POLR1D: variants seen among roughly 807,000 people sequenced by gnomAD.
POLR1D encodes RNA polymerase I and III subunit D, also known as DNA-directed RNA polymerases I and III subunit RPAC2.
Under a neutral mutation model 10.8 loss-of-function variants are expected in POLR1D, and 8 were observed. That is an observed-to-expected ratio of 0.74 (90% CI 0.43 to 1.33). POLR1D has a LOEUF of 1.33. POLR1D is among the 40% of genes most tolerant of loss of function. The pLI, the probability that POLR1D is intolerant of heterozygous loss-of-function variation, is 0.01. For missense variants in POLR1D, 152 were observed against 161.7 expected, an observed-to-expected ratio of 0.94 and a Z score of 0.32; for synonymous variants, 54 against 57.2, an observed-to-expected ratio of 0.94 and a Z score of 0.25.
downstream of POLR1D, among the ~76,000 whole-genome samples, chr13:27,624,618 T>C (rs1385003902): frequency 1.3e-5 from 2 of 151,976 alleles, no homozygotes; most frequent in East Asian, 3.9e-4. Context: ...AAAAAAATTG[T>C]GAGGCTCGGC....
At chr13:27,630,164 G>A (rs908124343) in intron 1 of POLR1D, among the ~76,000 whole-genome samples, 8 of 152,012 alleles carry the variant, frequency 5.3e-5, no homozygotes, top group African/African-American at 1.9e-4. Flanking sequence ...GCCCGCCTCC[G>A]GCTCCCAAAG....
At chr13:27,628,587 GA>G (rs1956040885) in intron 1 of POLR1D, among the ~76,000 whole-genome samples, 1 of 152,158 alleles carries the variant, frequency 6.6e-6, no homozygotes, top group Non-Finnish European at 1.5e-5. Context: ...AGCAATGAAA[GA>G]AAAATTATGA....
chr13:27,657,482 C>T (rs972909750), intron 2 of POLR1D, among the ~76,000 whole-genome samples: 8 of 152,022 alleles, frequency 5.3e-5, no homozygotes, highest in African/African-American at 1.7e-4. Context: ...GCCAAGATTG[C>T]GCCACTGCAC....
intron 1 of POLR1D, among the ~76,000 whole-genome samples, chr13:27,632,981 C>G (rs190710383): frequency 5.5e-4 from 83 of 152,236 alleles, no homozygotes; most frequent in Non-Finnish European, 7.2e-4. Flanking sequence ...ATTCTATAAG[C>G]TTCGAATTGA....
Position 27,623,218 on chromosome 13 carries a change from C to A in POLR1D, c.370C>A (p.Gln124Lys). The change falls in exon 2 of 2, where the codon CAA becomes AAA. Residue 124 changes from glutamine to lysine, a missense_variant. Physicochemically the swap from Gln to Lys is moderately conservative, Grantham distance 53. Transcript: ENST00000302979. ...FEASIKDYKDQKASRNESTF is the reference protein window; with the variant it reads ...FEASIKDYKDKKASRNESTF ...GGCCAGCATAAAGGACTATAAGGAT[C>A]AAAAAGCAAGCAGAAATGAATCCAC... 1.2e-6 allele frequency: 2 copies of A among 1,613,964 alleles called. No individual in the cohort carries two copies. The highest frequency in any genetic ancestry group is 1.7e-4 in the Middle Eastern group (1 of 6,060).
At chr13:27,648,517 TG>T (rs1956240010) in intron 2 of POLR1D, 2 of 1,015,712 alleles carry the variant, frequency 2.0e-6, no homozygotes, top group African/African-American at 3.2e-5. Context: ...GATATAAATA[TG>T]TAAATCTTTA....
intron 2 of POLR1D, chr13:27,650,981 T>C (rs1956264258): frequency 6.6e-6 from 1 of 152,204 alleles, no homozygotes; most frequent in African/African-American, 2.4e-5. Context: ...AAGAAAACTT[T>C]ACAGAAGAAT....
chr13:27,622,741 T>G, intron 1 of POLR1D, 134 bp from the exon 2 acceptor site: 2 of 643,634 alleles, frequency 3.1e-6, no homozygotes, highest in African/African-American at 1.8e-5. Context: ...GGCAGGAAAA[T>G]GAGAGGCGAA....
intron 2 of POLR1D, among the ~76,000 whole-genome samples, chr13:27,652,866 CA>C (rs34688215): frequency 0.57 from 66,721 of 116,918 alleles, 18,334 homozygotes; most frequent in Admixed American, 0.66. Context: ...GACTCCATCT[CA>C]AAAAAAAAAA....
chr13:27,624,442 C>T (rs187802755), downstream of POLR1D, among the ~76,000 whole-genome samples: 232 of 152,248 alleles, frequency 1.5e-3, 4 homozygotes, highest in Non-Finnish European at 4.3e-4. Flanking sequence ...CTTACACTAG[C>T]GTGCCATAGA....
intron 1 of POLR1D, among the ~76,000 whole-genome samples, chr13:27,639,822 A>C (rs1956158734): frequency 6.6e-6 from 1 of 152,212 alleles, no homozygotes. Flanking sequence ...TGTCTTTGCC[A>C]GAGCAGTTCT....
chr13:27,642,301 C>T (rs959121132), intron 1 of POLR1D, among the ~76,000 whole-genome samples: 7 of 152,178 alleles, frequency 4.6e-5, no homozygotes, highest in Admixed American at 2.6e-4. Context: ...CTGCCTCATT[C>T]TGTGTCCTTG....
chr13:27,636,286 A>G (rs1413591787), intron 1 of POLR1D, among the ~76,000 whole-genome samples: 1 of 152,216 alleles, frequency 6.6e-6, no homozygotes, highest in Non-Finnish European at 1.5e-5. Context: ...ATTTTCAAAA[A>G]CCAGATATTA....
exon 3 of POLR1D, chr13:27,665,787 G>A (rs1429630116): frequency 5.0e-6 from 8 of 1,613,962 alleles, no homozygotes; most frequent in Non-Finnish European, 6.8e-6. Flanking sequence ...CAAAAAGAGG[G>A]CGATAAGGAA....
chr13:27,637,801 A>ATT (rs549218744), intron 1 of POLR1D, among the ~76,000 whole-genome samples: 5 of 147,250 alleles, frequency 3.4e-5, no homozygotes, highest in African/African-American at 1.2e-4. Context: ...ATTAAAAAAA[A>ATT]TTTTTTTTTT....
At chr13:27,653,196 G>C (rs370984422) in intron 2 of POLR1D, among the ~76,000 whole-genome samples, 2 of 151,928 alleles carry the variant, frequency 1.3e-5, no homozygotes, top group African/African-American at 4.8e-5. Context: ...CACCGTGCCC[G>C]GCCTGTATTT....
At chr13:27,652,123 C>T (rs796119294) in intron 2 of POLR1D, among the ~76,000 whole-genome samples, 1 of 152,162 alleles carries the variant, frequency 6.6e-6, no homozygotes, top group South Asian at 2.1e-4. Context: ...TAGAAAGACT[C>T]AGCATAGAGT....
intron 1 of POLR1D, chr13:27,648,313 G>T (rs777524001): frequency 4.7e-6 from 5 of 1,061,096 alleles, no homozygotes; most frequent in Non-Finnish European, 7.2e-6. Context: ...CATGGACCTG[G>T]AATGAATTGA....
At chr13:27,642,664 G>A (rs540022321) in intron 1 of POLR1D, among the ~76,000 whole-genome samples, 9 of 152,218 alleles carry the variant, frequency 5.9e-5, no homozygotes, top group Admixed American at 3.9e-4. Flanking sequence ...GCCAGGCATA[G>A]AGAAAACTAG....
Sources: gnomAD v4.1 joint callset for allele counts (sites outside exome capture counted in the v4.1 genomes callset) on GRCh38, gnomAD v4.1.1 for gene constraint, MANE v1.5 for transcripts, NCBI Gene and HGNC (gene_info 2026-07-23, HGNC 2026-07-21) for gene names.